Variants in ACOXL observed in about 807,000 individuals in gnomAD.
The protein encoded by ACOXL is acyl-coenzyme A oxidase-like protein.
Under a neutral mutation model 71.9 loss-of-function variants are expected in ACOXL, and 70 were observed. The ratio of observed to expected loss-of-function variants is 0.97; its 90% CI spans 0.80 to 1.19. ACOXL has a LOEUF of 1.19. Among genes scored for constraint, ACOXL ranks in the 50% most tolerant of loss-of-function variants. The pLI, the probability that ACOXL is intolerant of heterozygous loss-of-function variation, is 0.00. For missense variants in ACOXL, 703 were observed against 736.3 expected, an observed-to-expected ratio of 0.95 and a Z score of 0.52; for synonymous variants, 253 against 281.6, an observed-to-expected ratio of 0.90 and a Z score of 1.02.
chr2:110,835,263 G>T lies in ACOXL; in HGVS notation c.754-6108G>T, dbSNP rs146589477. Among the ~76,000 whole-genome samples, 1,391 of 149,078 alleles carry T rather than the reference G, an allele frequency of 9.3e-3. 14 individuals are homozygous for T. The highest frequency in any genetic ancestry group is 0.03 in the African/African-American group (1,202 of 40,636). On this transcript the variant is annotated intron_variant, in intron 9 of 17. Transcript: ENST00000439055. The stretch of plus-strand genomic sequence containing the variant: ...GTGGCTTTTTCTTTAATTTCTTTAG[G>T]TTTTTTTTTTAAATTTAATTCCAAG...
chr2:110,873,820 G>T (rs1334378830), intron 10 of ACOXL, among the ~76,000 whole-genome samples: 1 of 152,226 alleles, frequency 6.6e-6, no homozygotes, highest in Non-Finnish European at 1.5e-5. Flanking sequence ...TATACAGGGA[G>T]ACAGGCTCTC....
chr2:111,117,524 T>A (rs982594871), intron 17 of ACOXL, 92 bp from the exon 18 acceptor site: 3 of 1,331,692 alleles, frequency 2.3e-6, no homozygotes, highest in Non-Finnish European at 3.2e-6. Context: ...GGCCGCTGTG[T>A]GTGCGGGTGC....
intron 9 of ACOXL, among the ~76,000 whole-genome samples, chr2:110,829,342 G>A (rs1689547410): frequency 6.6e-6 from 1 of 152,172 alleles, no homozygotes; most frequent in East Asian, 1.9e-4. Flanking sequence ...GGTCAGCACT[G>A]GTCTCCTGCC....
chr2:110,768,380 C>T lies in ACOXL; in HGVS notation c.-10C>T, dbSNP rs1367660071. ...CTGTTCTTCACAGGTATGATTTAAGCTTGGATGAAATGAGAGCTTTGACAG... is the reference window on the plus strand; with the variant it reads ...CTGTTCTTCACAGGTATGATTTAAGTTTGGATGAAATGAGAGCTTTGACAG... On this transcript the variant is annotated 5_prime_UTR_variant, in exon 2 of 18. Coordinates refer to ENST00000439055, the MANE Select transcript of ACOXL (RefSeq NM_001142807.4). 22 of 1,613,728 alleles carry T rather than the reference C, an allele frequency of 1.4e-5. No individual in the cohort carries two copies. Among genetic ancestry groups the T allele is most frequent in the Admixed American group, 1.2e-4 (7 of 59,980 alleles).
intron 11 of ACOXL, among the ~76,000 whole-genome samples, chr2:110,932,796 A>G (rs2060524114): frequency 6.6e-6 from 1 of 152,194 alleles, no homozygotes; most frequent in Admixed American, 6.5e-5. Context: ...TGAGGCCTGT[A>G]AATGGATTGG....
chr2:110,924,004 G>A (rs2060178374), intron 11 of ACOXL, among the ~76,000 whole-genome samples: 1 of 151,788 alleles, frequency 6.6e-6, no homozygotes, highest in Non-Finnish European at 1.5e-5. Context: ...TTGCAGATTT[G>A]GTTCTAGACC....
intron 12 of ACOXL, among the ~76,000 whole-genome samples, chr2:110,962,494 C>G (rs1265064982): frequency 6.6e-6 from 1 of 152,204 alleles, no homozygotes; most frequent in East Asian, 1.9e-4. Flanking sequence ...GTAACACCGC[C>G]CAGTCAGCAT....
chr2:110,742,774 G>A (rs568663902), intron 1 of ACOXL, among the ~76,000 whole-genome samples: 6 of 152,296 alleles, frequency 3.9e-5, no homozygotes, highest in African/African-American at 1.4e-4. Context: ...CTTAAGACCT[G>A]AAACTGTAGA....
chr2:111,004,157 C>T (rs1033621371), intron 14 of ACOXL, among the ~76,000 whole-genome samples: 20 of 152,316 alleles, frequency 1.3e-4, no homozygotes, highest in African/African-American at 4.8e-4. Flanking sequence ...ATCTAGAATT[C>T]TGAGATCTTC....
intron 11 of ACOXL, among the ~76,000 whole-genome samples, chr2:110,930,300 G>A (rs2060432788): frequency 6.6e-6 from 1 of 152,222 alleles, no homozygotes; most frequent in South Asian, 2.1e-4. Context: ...CCACTGGACT[G>A]TGAACTTACA....
At chr2:111,067,093 A>G (rs936063819) in intron 16 of ACOXL, among the ~76,000 whole-genome samples, 1 of 152,178 alleles carries the variant, frequency 6.6e-6, no homozygotes, top group Admixed American at 6.5e-5. Flanking sequence ...AATGGATCAT[A>G]TATTAATCTA....
intron 10 of ACOXL, chr2:110,887,184 T>C (rs1034705591): frequency 1.9e-4 from 52 of 269,982 alleles, no homozygotes; most frequent in Non-Finnish European, 1.1e-4. Context: ...CTCCCTGATA[T>C]GGAAAGTGAA....
At chr2:110,935,202 C>T (rs763723830) in intron 12 of ACOXL, among the ~76,000 whole-genome samples, 5 of 152,026 alleles carry the variant, frequency 3.3e-5, no homozygotes, top group Admixed American at 6.5e-5. Flanking sequence ...GACACTGTGG[C>T]CTTGACAGGT....
At chr2:110,816,372 G>A (rs1687919696) in intron 9 of ACOXL, among the ~76,000 whole-genome samples, 1 of 152,204 alleles carries the variant, frequency 6.6e-6, no homozygotes, top group Non-Finnish European at 1.5e-5. Context: ...GATTGGGTTT[G>A]GGTCATCTGG....
chr2:110,796,865 C>T (rs1685347077), intron 5 of ACOXL, among the ~76,000 whole-genome samples: 1 of 152,220 alleles, frequency 6.6e-6, no homozygotes, highest in Non-Finnish European at 1.5e-5. Flanking sequence ...TTTTCTTAGG[C>T]TTCAAGACTG....
chr2:111,001,521 A>G, intron 14 of ACOXL, among the ~76,000 whole-genome samples: 1 of 152,234 alleles, frequency 6.6e-6, no homozygotes, highest in East Asian at 1.9e-4. Context: ...AGAGAATCAA[A>G]CCACCTGGGT....
rs2070464107 is a variant in ACOXL at position 111,117,794 on chromosome 2, C to T, written c.1721C>T (p.Pro574Leu). 1.3e-6 allele frequency: 2 copies of T among 1,550,168 alleles called. No homozygotes were observed. The highest frequency in any genetic ancestry group is 1.7e-6 in the Non-Finnish European group (2 of 1,146,638). Reference protein sequence around the residue: ...RPREEARSRRPKLGAKL With the variant: ...RPREEARSRRLKLGAKL The stretch of plus-strand genomic sequence containing the variant: ...CGGGAAGAGGCGCGCTCCCGGCGGC[C>T]CAAGCTGGGAGCCAAGCTCTAACGG... The change falls in exon 18 of 18, where the codon CCC becomes CTC. Residue 574 changes from proline (P) to leucine (L), a missense_variant. By Grantham distance (98) the Pro-to-Leu change is moderately conservative (BLOSUM62 -3). Coordinates refer to ENST00000439055, the MANE Select transcript of ACOXL (RefSeq NM_001142807.4).
At chr2:111,067,713 G>GA (rs1379631120) in intron 16 of ACOXL, among the ~76,000 whole-genome samples, 3 of 152,190 alleles carry the variant, frequency 2.0e-5, no homozygotes, top group Non-Finnish European at 4.4e-5. Flanking sequence ...GGAAAAAATG[G>GA]AAAATCTAAA....
intron 10 of ACOXL, among the ~76,000 whole-genome samples, chr2:110,895,335 A>G (rs1163919351): frequency 7.2e-5 from 11 of 152,174 alleles, no homozygotes; most frequent in Non-Finnish European, 7.3e-5. Context: ...AAGAATCAGT[A>G]AACTAGAAGA....
Sources: allele counts gnomAD v4.1 joint callset (sites outside exome capture counted in the v4.1 genomes callset), GRCh38; gene constraint gnomAD v4.1.1; transcripts MANE v1.5; gene names NCBI Gene and HGNC (gene_info 2026-07-23, HGNC 2026-07-21).